TTC6: variants seen among roughly 807,000 people sequenced by gnomAD.
The protein encoded by TTC6 is tetratricopeptide repeat domain 6, also known as tetratricopeptide repeat protein 6.
Under a neutral mutation model 210.4 loss-of-function variants are expected in TTC6, and 172 were observed. The ratio of observed to expected loss-of-function variants is 0.82; its 90% CI spans 0.72 to 0.93. The LOEUF is 0.93. TTC6 is among the 40% of genes least tolerant of loss of function. TTC6 has a pLI of 0.00. For missense variants in TTC6, 2,414 were observed against 2,318.1 expected (o/e 1.04, Z -0.85); for synonymous variants, 804 against 819.6 (o/e 0.98, Z 0.32).
chr14:37,756,355 G>T (rs771103980), intron 14 of TTC6, among the ~76,000 whole-genome samples: 3 of 152,130 alleles, frequency 2.0e-5, no homozygotes, highest in Non-Finnish European at 4.4e-5. Flanking sequence ...TCTCTTGCCT[G>T]ATTTCACTGG....
chr14:37,786,329 C>G (rs943339015), intron 14 of TTC6, among the ~76,000 whole-genome samples: 7 of 152,306 alleles, frequency 4.6e-5, no homozygotes, highest in African/African-American at 1.7e-4. Context: ...GCAATGGCAG[C>G]CGCCCCTCAC....
rs906112942 is a variant in TTC6, at chr14:37,682,996, G to T, written c.1257+32G>T. 5 of 1,523,180 alleles carry T rather than the reference G, an allele frequency of 3.3e-6. No individual in the cohort carries two copies. The African/African-American group carries it at 5.5e-5, about 17-fold the overall frequency. 94.4% of individuals were successfully genotyped at this position (1,523,180 alleles called of 1,614,324 possible). On this transcript the variant is annotated intron_variant, in intron 3 of 30. Transcript: ENST00000553443. ...AACTATTTATGTTGGAAACACCTAA[G>T]AGTTATGAGAATTGAGGATGTGCAG...
intron 14 of TTC6, among the ~76,000 whole-genome samples, chr14:37,781,637 C>A (rs899264216): frequency 1.3e-5 from 2 of 152,162 alleles, no homozygotes; most frequent in Non-Finnish European, 2.9e-5. Flanking sequence ...TTAATCAGAT[C>A]CCATTTGTCA....
At chr14:37,679,874 G>C (rs1235411320) in intron 1 of TTC6, among the ~76,000 whole-genome samples, 1 of 151,918 alleles carries the variant, frequency 6.6e-6, no homozygotes, top group Non-Finnish European at 1.5e-5. Context: ...ATTTTTACTA[G>C]AGTTGGGGTT....
intron 6 of TTC6, among the ~76,000 whole-genome samples, chr14:37,716,019 T>C (rs1440570420): frequency 7.9e-6 from 1 of 126,792 alleles, no homozygotes; most frequent in Admixed American, 9.0e-5. Context: ...GATGTGGTTG[T>C]AACAGAATAT....
At chr14:37,608,799 G>T (rs937802615) in intron 2 of TTC6, among the ~76,000 whole-genome samples, 1 of 152,138 alleles carries the variant, frequency 6.6e-6, no homozygotes, top group African/African-American at 2.4e-5. Flanking sequence ...TACATCAAAG[G>T]TGTGGGAGCT....
rs527480527 is a variant in TTC6, at chr14:37,660,779, T to A, written c.940-19372T>A. 4.6e-5 allele frequency among the ~76,000 whole-genome samples: 7 copies of A among 152,232 alleles called. No homozygotes were observed. The South Asian group carries it at 1.5e-3, about 32-fold the overall frequency. The stretch of plus-strand genomic sequence containing the variant: ...GAGGAATTGCCACACTGTTCAATGG[T>A]TGAACTAATTTACACTCCCACCAAT... On this transcript the variant is annotated intron_variant, in intron 1 of 30. Transcript: ENST00000553443.
chr14:37,828,521 AT>A (rs943362063), intron 29 of TTC6, among the ~76,000 whole-genome samples: 5 of 152,036 alleles, frequency 3.3e-5, no homozygotes, highest in African/African-American at 1.2e-4. Flanking sequence ...CATCTCAACC[AT>A]TTTTAAGTGT....
intron 2 of TTC6, among the ~76,000 whole-genome samples, chr14:37,611,625 C>T (rs914107950): frequency 6.6e-6 from 1 of 151,882 alleles, no homozygotes; most frequent in Non-Finnish European, 1.5e-5. Context: ...GGTAGGTGCA[C>T]GACGCCCCAC....
intron 5 of TTC6, among the ~76,000 whole-genome samples, chr14:37,705,984 T>G (rs1201134258): frequency 1.3e-5 from 2 of 152,120 alleles, no homozygotes; most frequent in Admixed American, 6.6e-5. Context: ...AGTTTGAAGT[T>G]TGAGTTCATG....
At position 37,750,377 on chromosome 14, in the gene TTC6, T is replaced by A. The variant is rs150749183; in HGVS notation, c.2956+534T>A. Among the ~76,000 whole-genome samples, 620 of 152,304 alleles carry A rather than the reference T, an allele frequency of 4.1e-3. 6 individuals carry two copies. Among genetic ancestry groups the A allele is most frequent in the East Asian group, 0.014 (72 of 5,184 alleles). On this transcript the variant is annotated intron_variant, in intron 12 of 30. Coordinates refer to ENST00000553443, the Ensembl canonical transcript of TTC6. Reference sequence around the variant, plus strand: ...ATAAAACATGAGCTTAATAAATGATTTTTGACCTGTGTTGATCTCTGCTAA... The same window carrying A: ...ATAAAACATGAGCTTAATAAATGATATTTGACCTGTGTTGATCTCTGCTAA...
intron 1 of TTC6, among the ~76,000 whole-genome samples, chr14:37,670,787 T>C (rs1276094065): frequency 1.3e-5 from 2 of 152,040 alleles, no homozygotes; most frequent in Non-Finnish European, 2.9e-5. Flanking sequence ...CCTCACTTTT[T>C]AATGGGTTTG....
At chr14:37,812,224 G>T in intron 24 of TTC6, 90 bp from the exon 27 acceptor site, 1 of 1,304,244 alleles carries the variant, frequency 7.7e-7, no homozygotes, top group Non-Finnish European at 1.0e-6. Flanking sequence ...CTAACCATTG[G>T]GTCCTAGTTT....
intron 26 of TTC6, among the ~76,000 whole-genome samples, chr14:37,822,047 G>A (rs920783434): frequency 1.3e-4 from 19 of 151,998 alleles, no homozygotes; most frequent in African/African-American, 4.4e-4. Flanking sequence ...CCAAAGTGCT[G>A]TGATTACAGG....
At chr14:37,782,994 G>A (rs1008648386) in intron 14 of TTC6, among the ~76,000 whole-genome samples, 1 of 152,210 alleles carries the variant, frequency 6.6e-6, no homozygotes, top group Non-Finnish European at 1.5e-5. Context: ...GAACATGGTG[G>A]ATAAGCTTTT....
intron 1 of TTC6, among the ~76,000 whole-genome samples, chr14:37,636,617 G>GAGGGGAAAATTAAT (rs2095681309): frequency 6.6e-6 from 1 of 152,136 alleles, no homozygotes; most frequent in African/African-American, 2.4e-5. Context: ...TAGTAATGAT[G>GAGGGGAAAATTAAT]AGGGGAAAAT....
At position 37,598,224 on chromosome 14, in the gene TTC6, G is replaced by T. The variant is rs929150073; in HGVS notation, c.-235+2216G>T. On this transcript the variant is annotated intron_variant, in intron 1 of 2. Coordinates refer to the TTC6 transcript ENST00000556845. The surrounding 1 kb of genome is among the most constrained non-coding windows in gnomAD (Gnocchi z 4.9). ...GGAAACCAGGCCTGTCTTCAGCTGTGGGGAGGATGGGTGGACTCGGGGCAG... is the reference window on the plus strand; with the variant it reads ...GGAAACCAGGCCTGTCTTCAGCTGTTGGGAGGATGGGTGGACTCGGGGCAG... Among the ~76,000 whole-genome samples the T allele has an allele frequency of 3.9e-5, 6 of 152,308 alleles. No homozygotes were observed. In the East Asian group the frequency reaches 1.2e-3, roughly 29 times the overall value.
At chr14:37,602,753 G>C (rs574008617) in intron 1 of TTC6, among the ~76,000 whole-genome samples, 5 of 152,298 alleles carry the variant, frequency 3.3e-5, no homozygotes, top group African/African-American at 1.2e-4. Flanking sequence ...CGCGGTGGGG[G>C]AGAGGGGGTC....
intron 29 of TTC6, among the ~76,000 whole-genome samples, chr14:37,840,817 T>G (rs1288928955): frequency 6.6e-6 from 1 of 152,118 alleles, no homozygotes; most frequent in Non-Finnish European, 1.5e-5. Context: ...TGCTTTAACA[T>G]TTTTTAGCTC....
Sources: allele counts gnomAD v4.1 joint callset (sites outside exome capture counted in the v4.1 genomes callset), GRCh38; gene constraint gnomAD v4.1.1; non-coding constraint Gnocchi (gnomAD v3.1); transcripts MANE v1.5; gene names NCBI Gene and HGNC (gene_info 2026-07-23, HGNC 2026-07-21).